Variants in ANK2 observed in about 807,000 individuals in gnomAD.
The protein encoded by ANK2 is ankyrin 2, also known as ankyrin-2.
In ANK2, 83 loss-of-function variants were observed where a neutral mutation model predicts 360.5. That is an observed-to-expected ratio of 0.23 (90% confidence interval 0.19 to 0.28). ANK2 has a LOEUF of 0.28. Among genes scored for constraint, ANK2 ranks in the 10% least tolerant of loss-of-function variants. The pLI is 1.00. For missense variants in ANK2, 4,201 were observed against 4,795.7 expected (o/e 0.88, Z 3.66); for synonymous variants, 1,740 against 1,759.5 (o/e 0.99, Z 0.28).
rs763153947 is a variant in ANK2, at chr4:113,258,100, C to T, written c.1239C>T (p.Val413=). The T allele has an allele frequency of 6.2e-7, 1 of 1,614,170 alleles. No individual in the cohort carries two copies. Among genetic ancestry groups the T allele is most frequent in the Non-Finnish European group, 8.5e-7 (1 of 1,180,008 alleles). The change falls in exon 12 of 46, where the codon GTC becomes GTT. Residue 413 remains valine, a synonymous_variant. Coordinates refer to ENST00000357077, the MANE Select transcript of ANK2 (RefSeq NM_001148.6). ...HIACKKNRIK[V]MELLVKYGAS... ...CCTGCAAGAAAAACCGCATCAAAGT[C>T]ATGGAACTGCTGGTGAAATATGGGG...
chr4:113,100,879 C>A (rs1346328720), intron 1 of ANK2, among the ~76,000 whole-genome samples: 2 of 152,194 alleles, frequency 1.3e-5, no homozygotes, highest in Non-Finnish European at 2.9e-5. Flanking sequence ...TTTGAAAAGG[C>A]TACATACCAT....
chr4:112,865,091 A>G (rs1470163986), intron 1 of ANK2, among the ~76,000 whole-genome samples: 1 of 139,238 alleles, frequency 7.2e-6, no homozygotes, highest in Non-Finnish European at 1.5e-5. Context: ...CCAGAGATTC[A>G]TTGGTCTTAG....
At chr4:113,123,765 G>T (rs984829011) in intron 1 of ANK2, among the ~76,000 whole-genome samples, 1 of 152,026 alleles carries the variant, frequency 6.6e-6, no homozygotes, top group African/African-American at 2.4e-5. Context: ...TTCCAACCAG[G>T]GTTGGAAATG....
At chr4:113,002,475 C>T (rs1273346374) in intron 2 of ANK2, among the ~76,000 whole-genome samples, 1 of 151,734 alleles carries the variant, frequency 6.6e-6, no homozygotes, top group Non-Finnish European at 1.5e-5. Context: ...AAAAACCAAA[C>T]ACTGCATATT....
chr4:112,715,993 T>A, the ANK2 span, among the ~76,000 whole-genome samples: 1 of 152,138 alleles, frequency 6.6e-6, no homozygotes, highest in East Asian at 1.9e-4. Flanking sequence ...TGGCAGTTGG[T>A]TTATACTAAA....
At chr4:113,228,413 C>T (rs908909990) in intron 4 of ANK2, among the ~76,000 whole-genome samples, 1 of 152,132 alleles carries the variant, frequency 6.6e-6, no homozygotes, top group Non-Finnish European at 1.5e-5. Context: ...CTTAGCTCCC[C>T]CTAAGAGTGA....
chr4:112,824,956 T>C (rs1465476347), intron 1 of ANK2, among the ~76,000 whole-genome samples: 2 of 152,218 alleles, frequency 1.3e-5, no homozygotes, highest in African/African-American at 4.8e-5. Context: ...AAAAATACTA[T>C]CCACTGTCTT....
intron 4 of ANK2, among the ~76,000 whole-genome samples, chr4:113,221,407 A>C (rs59993413): frequency 0.037 from 5,596 of 152,202 alleles, 120 homozygotes; most frequent in East Asian, 0.067. Context: ...CATCTGCAAT[A>C]CCAGCACTTT....
chr4:112,885,233 G>C (rs552614268), intron 1 of ANK2, among the ~76,000 whole-genome samples: 41 of 152,162 alleles, frequency 2.7e-4, no homozygotes, highest in Non-Finnish European at 4.7e-4. Flanking sequence ...GGGCGTGGTG[G>C]TTCACGCCTG....
At chr4:113,063,419 G>A (rs2154335784) in intron 1 of ANK2, among the ~76,000 whole-genome samples, 1 of 152,080 alleles carries the variant, frequency 6.6e-6, no homozygotes, top group East Asian at 1.9e-4. Context: ...GTCTAGTCAA[G>A]GTTTGCATTT....
chr4:113,332,210 T>C, intron 28 of ANK2, 140 bp downstream of exon 28: 1 of 798,772 alleles, frequency 1.3e-6, no homozygotes, highest in Non-Finnish European at 2.2e-6. Flanking sequence ...CTATCTTTAG[T>C]GGACCATTTC....
chr4:113,305,991 A>G (rs1316076345), intron 23 of ANK2, among the ~76,000 whole-genome samples: 1 of 152,206 alleles, frequency 6.6e-6, no homozygotes, highest in Non-Finnish European at 1.5e-5. Flanking sequence ...GAGATATCCT[A>G]TCAGGCTAAT....
chr4:113,139,356 A>T (rs376123198), intron 1 of ANK2, among the ~76,000 whole-genome samples: 1 of 152,178 alleles, frequency 6.6e-6, no homozygotes, highest in Non-Finnish European at 1.5e-5. Flanking sequence ...GAAACTTACT[A>T]CAAGTGTTTA....
Position 113,381,531 on chromosome 4 carries a change from A to G in ANK2, c.*60A>G. 6.2e-7 allele frequency: 1 copy of G among 1,613,676 alleles called. No homozygotes were observed. Among genetic ancestry groups the G allele is most frequent in the Non-Finnish European group, 8.5e-7 (1 of 1,179,818 alleles). ...CAGCATGGAAAACGCATTGACTTGG[A>G]GCACCTGGAGGATGTACCAGAAGCA... On this transcript the variant is annotated 3_prime_UTR_variant, in exon 46 of 46. Coordinates refer to ENST00000357077, the MANE Select transcript of ANK2 (RefSeq NM_001148.6).
chr4:113,349,336 T>C (rs1263330947), intron 36 of ANK2, among the ~76,000 whole-genome samples: 2 of 152,208 alleles, frequency 1.3e-5, no homozygotes, highest in African/African-American at 4.8e-5. Context: ...ATTAGTTATA[T>C]GTAAATGTTT....
intron 1 of ANK2, among the ~76,000 whole-genome samples, chr4:112,837,040 A>T (rs1227926172): frequency 2.0e-5 from 3 of 152,320 alleles, no homozygotes; most frequent in Non-Finnish European, 4.4e-5. Context: ...AAGGCATGCC[A>T]GAGGTCTTCA....
At chr4:113,174,967 A>C (rs2098137658) in intron 2 of ANK2, among the ~76,000 whole-genome samples, 1 of 152,224 alleles carries the variant, frequency 6.6e-6, no homozygotes, top group Non-Finnish European at 1.5e-5. Flanking sequence ...AATGAGAATA[A>C]TTTGAAATTA....
intron 1 of ANK2, among the ~76,000 whole-genome samples, chr4:113,142,807 C>T (rs546947190): frequency 6.6e-6 from 1 of 151,970 alleles, no homozygotes; most frequent in African/African-American, 2.4e-5. Context: ...CAGCATGTTA[C>T]TTGGTTGGTT....
At chr4:112,945,079 C>T (rs2094465044) in intron 2 of ANK2, among the ~76,000 whole-genome samples, 2 of 152,226 alleles carry the variant, frequency 1.3e-5, no homozygotes, top group African/African-American at 4.8e-5. Context: ...TGTATCTTTT[C>T]CTCATACCAC....
Sources: allele counts gnomAD v4.1 joint callset (sites outside exome capture counted in the v4.1 genomes callset), GRCh38; gene constraint gnomAD v4.1.1; transcripts MANE v1.5; gene names NCBI Gene and HGNC (gene_info 2026-07-23, HGNC 2026-07-21).